Variants in TBC1D22A observed in about 807,000 individuals in gnomAD.
The protein encoded by TBC1D22A is putative GTPase activator.
A neutral mutation model predicts 60.2 loss-of-function variants in TBC1D22A; 38 were observed. The ratio of observed to expected loss-of-function variants is 0.63; its 90% CI spans 0.49 to 0.83. TBC1D22A has a LOEUF of 0.83. Among genes scored for constraint, TBC1D22A ranks in the 40% least tolerant of loss-of-function variants. The pLI is 0.00. For synonymous variants in TBC1D22A, 302 were observed against 281.7 expected (o/e 1.07, Z -0.72); for missense variants, 628 against 701.0 (o/e 0.90, Z 1.18).
intron 11 of TBC1D22A, 23 bp downstream of exon 11, chr22:47,037,221 C>T (rs761614837): frequency 2.4e-5 from 39 of 1,610,972 alleles, no homozygotes; most frequent in Admixed American, 2.3e-4. Flanking sequence ...TCGCACCCTC[C>T]GCCATGGGGG....
chr22:46,847,542 C>T (rs2087058776), intron 4 of TBC1D22A, among the ~76,000 whole-genome samples: 1 of 152,214 alleles, frequency 6.6e-6, no homozygotes, highest in Non-Finnish European at 1.5e-5. Flanking sequence ...TATCCCTTCT[C>T]TTCACACGCT....
chr22:47,103,124 G>C (rs2065484408), intron 11 of TBC1D22A, among the ~76,000 whole-genome samples: 1 of 152,200 alleles, frequency 6.6e-6, no homozygotes, highest in African/African-American at 2.4e-5. Flanking sequence ...CACCCAGCCT[G>C]TCCCTTTCCC....
chr22:46,802,028 A>G (rs1238868391), intron 4 of TBC1D22A, among the ~76,000 whole-genome samples: 1 of 152,238 alleles, frequency 6.6e-6, no homozygotes, highest in African/African-American at 2.4e-5. Context: ...GCCTTGGAGT[A>G]GGCCCTCAGT....
Position 46,990,809 on chromosome 22 carries a change from C to A in TBC1D22A, c.1126-6825C>A, listed in dbSNP as rs895702280. ...GTTGGCTTGCTGGCTGTCTCCCTCCCGCGCCGGCGTTCGTGACGGCTCTGC... is the reference window on the plus strand; with the variant it reads ...GTTGGCTTGCTGGCTGTCTCCCTCCAGCGCCGGCGTTCGTGACGGCTCTGC... On this transcript the variant is annotated intron_variant, in intron 9 of 12. Transcript: ENST00000337137. This position sits in a 1 kb window ranked among gnomAD's most constrained non-coding sequence, Gnocchi z 4.6. Among the ~76,000 whole-genome samples, 2 of 152,232 alleles carry A rather than the reference C, an allele frequency of 1.3e-5. No homozygotes were observed. Among genetic ancestry groups the A allele is most frequent in the Non-Finnish European group, 2.9e-5 (2 of 68,044 alleles).
At position 46,974,405 on chromosome 22, in the gene TBC1D22A, C is replaced by T. The variant is rs946677222; in HGVS notation, c.1125+6C>T. Reference sequence around the variant, plus strand: ...AGCTGCTGGATGGCATTCAGGTGAGCGCCCGCGCCCACGGGACACAGCCCA... The same window carrying T: ...AGCTGCTGGATGGCATTCAGGTGAGTGCCCGCGCCCACGGGACACAGCCCA... On this transcript the variant is annotated splice_donor_region_variant and intron_variant, in intron 9 of 12. Coordinates refer to ENST00000337137, the MANE Select transcript of TBC1D22A (RefSeq NM_014346.5). 68 of 1,604,006 alleles carry T rather than the reference C, an allele frequency of 4.2e-5. No homozygotes were observed. The highest frequency in any genetic ancestry group is 5.4e-5 in the Non-Finnish European group (63 of 1,175,458).
intron 10 of TBC1D22A, among the ~76,000 whole-genome samples, chr22:47,031,973 G>A (rs1300692400): frequency 6.6e-6 from 1 of 152,206 alleles, no homozygotes; most frequent in East Asian, 1.9e-4. Context: ...CACAATGACA[G>A]GTGTTCCAGA....
At chr22:47,042,069 T>C (rs2062863342) in intron 11 of TBC1D22A, among the ~76,000 whole-genome samples, 1 of 152,278 alleles carries the variant, frequency 6.6e-6, no homozygotes, top group East Asian at 1.9e-4. Context: ...GCAGTCATTG[T>C]TCTCTGAGAG....
At chr22:47,170,504 A>T (rs915524571) in intron 12 of TBC1D22A, among the ~76,000 whole-genome samples, 2 of 152,224 alleles carry the variant, frequency 1.3e-5, no homozygotes, top group African/African-American at 2.4e-5. Flanking sequence ...CCCTGAATTC[A>T]ATTTAAAGGC....
intron 8 of TBC1D22A, among the ~76,000 whole-genome samples, chr22:46,959,676 C>G (rs537868477): frequency 6.6e-6 from 1 of 152,130 alleles, no homozygotes; most frequent in Non-Finnish European, 1.5e-5. Flanking sequence ...ACCTCTGATT[C>G]ACTCTGATTC....
chr22:46,768,621 C>T (rs1294113767), intron 1 of TBC1D22A, among the ~76,000 whole-genome samples: 1 of 152,152 alleles, frequency 6.6e-6, no homozygotes, highest in Non-Finnish European at 1.5e-5. Context: ...GGAATTCTCG[C>T]CACACTTCAC....
At chr22:47,056,170 G>A (rs2063386950) in intron 11 of TBC1D22A, among the ~76,000 whole-genome samples, 1 of 151,922 alleles carries the variant, frequency 6.6e-6, no homozygotes. Context: ...TGTGGGTGGT[G>A]GGCCGGGCCG....
chr22:47,171,996 C>T (rs760295689), intron 12 of TBC1D22A, among the ~76,000 whole-genome samples: 5 of 151,046 alleles, frequency 3.3e-5, no homozygotes, highest in Admixed American at 6.6e-5. Flanking sequence ...CCAGTGCGCC[C>T]GGTGAGCCCA....
At chr22:46,783,641 C>T (rs1045390606) in intron 1 of TBC1D22A, among the ~76,000 whole-genome samples, 2 of 130,784 alleles carry the variant, frequency 1.5e-5, no homozygotes, top group Non-Finnish European at 3.4e-5. Context: ...AGTATCATTT[C>T]GCATTTAAAA....
chr22:46,836,908 C>A (rs1338484239), intron 4 of TBC1D22A, among the ~76,000 whole-genome samples: 1 of 151,728 alleles, frequency 6.6e-6, no homozygotes, highest in Non-Finnish European at 1.5e-5. Flanking sequence ...CCTATAATTC[C>A]AGTGCTTTGG....
chr22:47,106,546 G>A (rs756297241), intron 11 of TBC1D22A, among the ~76,000 whole-genome samples: 2 of 152,144 alleles, frequency 1.3e-5, no homozygotes, highest in African/African-American at 2.4e-5. Context: ...TTTCAAGAAT[G>A]AGAATAAAGA....
intron 1 of TBC1D22A, among the ~76,000 whole-genome samples, chr22:46,786,219 G>C (rs2084154115): frequency 6.6e-6 from 1 of 152,152 alleles, no homozygotes; most frequent in Non-Finnish European, 1.5e-5. Context: ...TTTTTATAAT[G>C]AATGAGTATT....
In TBC1D22A at chr22:47,039,935, C is replaced by CTTTTTTTT. The variant is rs570751261; in HGVS notation, c.1329+2757_1329+2764dup. On this transcript the variant is annotated intron_variant, in intron 11 of 12. Coordinates refer to ENST00000337137, the MANE Select transcript of TBC1D22A (RefSeq NM_014346.5). ...CAAGGCGTCGGGGAGGTGCCACAGC[C>CTTTTTTTT]TTTTTTTTTTTTTTTTTTTTTTTTT... Among the ~76,000 whole-genome samples, 40 of 77,298 alleles carry CTTTTTTTT rather than the reference C, an allele frequency of 5.2e-4. 3 individuals are homozygous for CTTTTTTTT. Among genetic ancestry groups the CTTTTTTTT allele is most frequent in the African/African-American group, 2.1e-3 (34 of 15,936 alleles). The allele number at this position is 77,298 out of a possible 152,430, so 50.7% of individuals were successfully genotyped here.
At chr22:47,094,936 A>G (rs192647184) in intron 11 of TBC1D22A, among the ~76,000 whole-genome samples, 1 of 152,312 alleles carries the variant, frequency 6.6e-6, no homozygotes, top group East Asian at 1.9e-4. Context: ...ACACATGCCG[A>G]TAAGAATCTG....
chr22:46,923,600 C>T (rs1322596579), intron 8 of TBC1D22A, among the ~76,000 whole-genome samples: 1 of 152,258 alleles, frequency 6.6e-6, no homozygotes, highest in Non-Finnish European at 1.5e-5. Context: ...AGCCAGGGTG[C>T]GGGGCACTTG....
Sources: gnomAD v4.1 joint callset for allele counts (sites outside exome capture counted in the v4.1 genomes callset) on GRCh38, gnomAD v4.1.1 for gene constraint, Gnocchi (gnomAD v3.1) non-coding constraint, MANE v1.5 for transcripts, NCBI Gene and HGNC (gene_info 2026-07-23, HGNC 2026-07-21) for gene names.